Variants in CNTN1 observed in about 807,000 individuals in gnomAD.
The protein encoded by CNTN1 is contactin-1.
Under a neutral mutation model 126.4 loss-of-function variants are expected in CNTN1, and 38 were observed. The observed-to-expected ratio is 0.30, with a 90% CI of 0.23 to 0.39. CNTN1 has a LOEUF of 0.39. CNTN1 is among the 10% of genes least tolerant of loss of function. The pLI is 1.00. For missense variants in CNTN1, 1,009 were observed against 1,248.4 expected, an observed-to-expected ratio of 0.81 and a Z score of 2.89; for synonymous variants, 413 against 422.6, an observed-to-expected ratio of 0.98 and a Z score of 0.28.
intron 1 of CNTN1, among the ~76,000 whole-genome samples, chr12:40,875,835 G>GT (rs966914852): frequency 7.9e-5 from 12 of 151,938 alleles, no homozygotes; most frequent in African/African-American, 2.9e-4. Flanking sequence ...TTATTTACAA[G>GT]TTTTTGTTTG....
intron 20 of CNTN1, among the ~76,000 whole-genome samples, chr12:41,020,726 A>G (rs983446764): frequency 1.3e-5 from 2 of 152,228 alleles, no homozygotes; most frequent in African/African-American, 4.8e-5. Flanking sequence ...TCTTTTTAGG[A>G]AAACATTCTC....
intron 1 of CNTN1, chr12:40,828,075 T>C (rs1453604497): frequency 6.6e-6 from 1 of 152,196 alleles, no homozygotes; most frequent in Non-Finnish European, 1.5e-5. Flanking sequence ...TTTGAAAGTA[T>C]TGCTATGTAG....
chr12:40,917,655 A>G (rs1454685626), intron 3 of CNTN1, among the ~76,000 whole-genome samples: 1 of 152,102 alleles, frequency 6.6e-6, no homozygotes, highest in African/African-American at 2.4e-5. Context: ...AGTGACCTGT[A>G]AGAATATTCG....
chr12:40,939,222 G>A lies in CNTN1; in HGVS notation c.1229-113G>A, dbSNP rs149676914. On this transcript the variant is annotated intron_variant, in intron 11 of 23. Coordinates refer to ENST00000551295, the MANE Select transcript of CNTN1 (RefSeq NM_001843.4). ...TTGGTGACAGCTGATCATATTTACC[G>A]AGATTAATCCTTTCCATTAACTATT... 1,876 of 1,148,636 alleles carry A rather than the reference G, an allele frequency of 1.6e-3. 15 individuals are homozygous for A. Among genetic ancestry groups the A allele is most frequent in the African/African-American group, 0.011 (725 of 63,938 alleles). The allele number at this position is 1,148,636 out of a possible 1,614,324, so 71.2% of individuals were successfully genotyped here.
intron 15 of CNTN1, among the ~76,000 whole-genome samples, chr12:40,975,049 G>A (rs920010944): frequency 2.0e-5 from 3 of 151,448 alleles, no homozygotes; most frequent in Admixed American, 6.6e-5. Context: ...GAAAATAGAT[G>A]TTTTCTCATT....
chr12:40,824,931 A>G (rs529246262), intron 1 of CNTN1, among the ~76,000 whole-genome samples: 17 of 152,134 alleles, frequency 1.1e-4, no homozygotes, highest in Non-Finnish European at 2.5e-4. Context: ...ACACAGTTCT[A>G]TGTGATTTAG....
chr12:40,837,687 T>A (rs1415410551), intron 1 of CNTN1, among the ~76,000 whole-genome samples: 1 of 152,154 alleles, frequency 6.6e-6, no homozygotes, highest in Non-Finnish European at 1.5e-5. Context: ...CTGTCCCTGA[T>A]GGGACTGAGG....
At chr12:41,064,586 C>T (rs1016034723) in intron 23 of CNTN1, among the ~76,000 whole-genome samples, 4 of 152,040 alleles carry the variant, frequency 2.6e-5, no homozygotes, top group Non-Finnish European at 5.9e-5. Context: ...AAGCAGAGTC[C>T]CACATGTTCC....
chr12:40,756,737 G>A (rs1404348032), intron 1 of CNTN1, among the ~76,000 whole-genome samples: 5 of 152,090 alleles, frequency 3.3e-5, no homozygotes, highest in East Asian at 1.9e-4. Context: ...GAGGCTTCGC[G>A]TCATCATCCA....
At chr12:40,711,820 C>T (rs1415405882) in intron 1 of CNTN1, among the ~76,000 whole-genome samples, 16 of 152,122 alleles carry the variant, frequency 1.1e-4, no homozygotes, top group African/African-American at 4.8e-5. Flanking sequence ...TCAAGTGATC[C>T]TCCCATCTCA....
chr12:40,858,235 G>T (rs1205742339), intron 1 of CNTN1, among the ~76,000 whole-genome samples: 1 of 152,086 alleles, frequency 6.6e-6, no homozygotes, highest in South Asian at 2.1e-4. Context: ...ACTTCTTCAA[G>T]GCCAGCAGGA....
intron 1 of CNTN1, among the ~76,000 whole-genome samples, chr12:40,758,301 G>A (rs190175139): frequency 6.7e-6 from 1 of 149,978 alleles, no homozygotes; most frequent in East Asian, 2.0e-4. Flanking sequence ...AAAACAAAGT[G>A]TTTTTTTTTT....
chr12:40,814,246 G>A (rs1239907562), intron 1 of CNTN1, among the ~76,000 whole-genome samples: 1 of 152,098 alleles, frequency 6.6e-6, no homozygotes. Context: ...ATTACTTTTG[G>A]AGTTTTTGTC....
At chr12:40,792,538 T>A (rs1940257831) in intron 1 of CNTN1, among the ~76,000 whole-genome samples, 1 of 152,072 alleles carries the variant, frequency 6.6e-6, no homozygotes, top group African/African-American at 2.4e-5. Flanking sequence ...TGAAAATTAT[T>A]GTAAACCACA....
Position 40,981,086 on chromosome 12 carries a change from A to G in CNTN1, c.1963+19A>G. On this transcript the variant is annotated intron_variant, in intron 16 of 23. Transcript: ENST00000551295. ...AAGACAGGTGAGTTTTATTTGTCTG[A>G]TTAATCCGTGCATGTTTTCAAAGTG... 6.2e-7 allele frequency: 1 copy of G among 1,610,936 alleles called. No individual in the cohort carries two copies. The highest frequency in any genetic ancestry group is 1.3e-5 in the African/African-American group (1 of 74,966).
At chr12:40,948,516 G>C (rs911852196) in intron 14 of CNTN1, among the ~76,000 whole-genome samples, 2 of 151,950 alleles carry the variant, frequency 1.3e-5, no homozygotes, top group African/African-American at 4.8e-5. Context: ...GCATATTATT[G>C]TGATTTTCTC....
At chr12:40,965,814 T>C (rs543040068) in intron 15 of CNTN1, among the ~76,000 whole-genome samples, 1 of 152,304 alleles carries the variant, frequency 6.6e-6, no homozygotes, top group South Asian at 2.1e-4. Flanking sequence ...AACATATTCT[T>C]AAATAAGCAA....
At chr12:41,069,056 A>C (rs370141376) in intron 23 of CNTN1, among the ~76,000 whole-genome samples, 6 of 152,320 alleles carry the variant, frequency 3.9e-5, no homozygotes, top group African/African-American at 7.2e-5. Flanking sequence ...CATTGGGAAG[A>C]AAGAGTATGA....
rs150192493 is a variant in CNTN1 at position 40,756,317 on chromosome 12, A to T, written c.-77+63725A>T. Among the ~76,000 whole-genome samples the T allele has an allele frequency of 1.7e-3, 252 of 152,232 alleles. 4 individuals are homozygous for T. In the South Asian group the frequency reaches 0.032, roughly 19 times the overall value. ...TCTGGGAAGAAAGAAGGCCATAGTC[A>T]GAGAGTACAGTGCTAGAAATTGAGA... On this transcript the variant is annotated intron_variant, in intron 1 of 23. Coordinates refer to ENST00000551295, the MANE Select transcript of CNTN1 (RefSeq NM_001843.4).
Sources: allele counts gnomAD v4.1 joint callset (sites outside exome capture counted in the v4.1 genomes callset), GRCh38; gene constraint gnomAD v4.1.1; transcripts MANE v1.5; gene names NCBI Gene and HGNC (gene_info 2026-07-23, HGNC 2026-07-21).